Variants in FBXW7 observed in about 807,000 individuals in gnomAD.
FBXW7 encodes F-box/WD repeat-containing protein 7.
Under a neutral mutation model 86.3 loss-of-function variants are expected in FBXW7, and 11 were observed. That is an observed-to-expected ratio of 0.13 (90% CI 0.08 to 0.21). The LOEUF (loss-of-function observed/expected upper bound fraction) is 0.21. Among genes scored for constraint, FBXW7 ranks in the 10% least tolerant of loss-of-function variants. The pLI is 1.00. For synonymous variants in FBXW7, 313 were observed against 297.9 expected (o/e 1.05, Z -0.52); for missense variants, 488 against 847.4 (o/e 0.58, Z 5.27).
rs528323345 is a variant in FBXW7, at chr4:152,501,582, T to C, written c.-120+33359A>G. The stretch of plus-strand genomic sequence containing the variant: ...AGTTGAAGTACTTAATTTTAGAAAT[T>C]GTATATTCATCCAAATTCAGGATAT... On this transcript the variant is annotated intron_variant, in intron 2 of 13. Coordinates refer to ENST00000281708, the MANE Select transcript of FBXW7 (RefSeq NM_001349798.2). Among the ~76,000 whole-genome samples the C allele has an allele frequency of 4.6e-5, 7 of 152,310 alleles. No individual in the cohort carries two copies. In the South Asian group the frequency reaches 1.0e-3, roughly 23 times the overall value.
In FBXW7 at chr4:152,330,842, T is replaced by C; in HGVS notation, c.1012A>G (p.Arg338Gly). The change falls in exon 9 of 14, where the codon AGA becomes GGA. Residue 338 changes from arginine (R) to glycine (G), a missense_variant. Physicochemically the swap from Arg to Gly is moderately radical, Grantham distance 125 (BLOSUM62 -2). Coordinates refer to ENST00000281708, the MANE Select transcript of FBXW7 (RefSeq NM_001349798.2). Reference sequence around the variant, plus strand: ...AAACCTGGTTTTATTACTTTTCTTCTCTTGATGTGCAATGGTTCATCAATC... The same window carrying C: ...AAACCTGGTTTTATTACTTTTCTTCCCTTGATGTGCAATGGTTCATCAATC... Reference protein sequence around the residue: ...EGIDEPLHIKRRKVIKPGFIH... With the variant: ...EGIDEPLHIKGRKVIKPGFIH... 6.2e-7 allele frequency: 1 copy of C among 1,612,152 alleles called. No homozygotes were observed. Among genetic ancestry groups the C allele is most frequent in the East Asian group, 2.2e-5 (1 of 44,806 alleles).
Position 152,476,963 on chromosome 4 carries a change from T to G in FBXW7, c.-120+57978A>C, listed in dbSNP as rs146334461. ...TCAGATTCTGTAAGAAGCTGAGGAT[T>G]CCGCATCTGTTATGCAATCCACAGT... is the stretch of plus-strand genomic sequence containing the variant. On this transcript the variant is annotated intron_variant, in intron 2 of 13. Coordinates refer to ENST00000281708, the MANE Select transcript of FBXW7 (RefSeq NM_001349798.2). Among the ~76,000 whole-genome samples, 222 of 152,244 alleles carry G rather than the reference T, an allele frequency of 1.5e-3. 2 individuals carry two copies. The highest frequency in any genetic ancestry group is 5.2e-3 in the African/African-American group (214 of 41,548).
intron 2 of FBXW7, among the ~76,000 whole-genome samples, chr4:152,477,052 C>T (rs1744470868): frequency 6.7e-6 from 1 of 149,034 alleles, no homozygotes; most frequent in Non-Finnish European, 1.5e-5. Flanking sequence ...CTTGGAAAAG[C>T]GGCAAAAAAA....
At chr4:152,418,162 C>CACACACACACACACAA (rs1185715774) in intron 2 of FBXW7, among the ~76,000 whole-genome samples, 2 of 150,784 alleles carry the variant, frequency 1.3e-5, no homozygotes, top group African/African-American at 4.9e-5. Context: ...CACACACACA[C>CACACACACACACACAA]AAAATCCACT....
At chr4:152,445,411 C>G (rs2126998264) in intron 2 of FBXW7, among the ~76,000 whole-genome samples, 1 of 152,226 alleles carries the variant, frequency 6.6e-6, no homozygotes, top group South Asian at 2.1e-4. Flanking sequence ...TTGCATTATA[C>G]TTATCAGAAA....
At chr4:152,325,951 A>G in intron 12 of FBXW7, 55 bp downstream of exon 12, 1 of 1,468,580 alleles carries the variant, frequency 6.8e-7, no homozygotes, top group South Asian at 1.1e-5. Context: ...TATCTGAGTA[A>G]AACAACCTTA....
chr4:152,417,570 TAAG>T (rs1404954150), intron 2 of FBXW7, among the ~76,000 whole-genome samples: 1 of 152,018 alleles, frequency 6.6e-6, no homozygotes, highest in African/African-American at 2.4e-5. Flanking sequence ...AGCTTGACTC[TAAG>T]AAGCATGAGG....
At chr4:152,432,017 G>A (rs1739935831) in intron 2 of FBXW7, among the ~76,000 whole-genome samples, 2 of 152,162 alleles carry the variant, frequency 1.3e-5, no homozygotes, top group Non-Finnish European at 1.5e-5. Context: ...TCTGAAATTT[G>A]GCAGATTCTG....
Position 152,352,591 on chromosome 4 carries a change from T to C in FBXW7, c.502-2467A>G, listed in dbSNP as rs1560793739. On this transcript the variant is annotated intron_variant, in intron 4 of 13. Transcript: ENST00000281708. The stretch of plus-strand genomic sequence containing the variant: ...CAGTCTCTGACAATATAAACCTTTT[T>C]CAGGTAGGTATGTCACAGATTCTAA... 3.1e-6 allele frequency: 5 copies of C among 1,613,880 alleles called. No individual in the cohort carries two copies. The highest frequency in any genetic ancestry group is 3.4e-6 in the Non-Finnish European group (4 of 1,179,954).
chr4:152,484,155 T>C (rs897025811), intron 2 of FBXW7, among the ~76,000 whole-genome samples: 1 of 152,184 alleles, frequency 6.6e-6, no homozygotes, highest in African/African-American at 2.4e-5. Flanking sequence ...ACAAATCCTA[T>C]TCATTTTTTA....
At chr4:152,386,617 C>A (rs55958347) in intron 4 of FBXW7, among the ~76,000 whole-genome samples, 1 of 152,004 alleles carries the variant, frequency 6.6e-6, no homozygotes, top group African/African-American at 2.4e-5. Flanking sequence ...TTCAGAAAGA[C>A]TTCTATAATT....
At chr4:152,420,286 C>T (rs1450549599) in intron 2 of FBXW7, among the ~76,000 whole-genome samples, 5 of 152,158 alleles carry the variant, frequency 3.3e-5, no homozygotes, top group South Asian at 4.1e-4. Flanking sequence ...GCAATTGTCA[C>T]GCTGTGTCAA....
At chr4:152,480,143 C>A (rs1018654816) in intron 2 of FBXW7, among the ~76,000 whole-genome samples, 1 of 152,114 alleles carries the variant, frequency 6.6e-6, no homozygotes, top group African/African-American at 2.4e-5. Context: ...CTGCATTGGG[C>A]AAGTCTATTT....
intron 4 of FBXW7, among the ~76,000 whole-genome samples, chr4:152,363,858 G>A (rs941307527): frequency 6.6e-6 from 1 of 152,162 alleles, no homozygotes; most frequent in East Asian, 1.9e-4. Flanking sequence ...ACTTAAGGTA[G>A]ATGGGATTTG....
At chr4:152,395,883 C>G (rs562312270) in intron 4 of FBXW7, among the ~76,000 whole-genome samples, 1 of 152,086 alleles carries the variant, frequency 6.6e-6, no homozygotes, top group African/African-American at 2.4e-5. Flanking sequence ...AACCAACCCA[C>G]GGAAGTGCTT....
intron 2 of FBXW7, among the ~76,000 whole-genome samples, chr4:152,476,559 G>C (rs1231773208): frequency 1.3e-5 from 2 of 152,078 alleles, no homozygotes; most frequent in East Asian, 3.9e-4. Flanking sequence ...TCACACATCT[G>C]ACAAAGGACT....
intron 2 of FBXW7, among the ~76,000 whole-genome samples, chr4:152,471,182 A>G (rs1743920953): frequency 7.9e-6 from 1 of 126,186 alleles, no homozygotes; most frequent in South Asian, 2.5e-4. Flanking sequence ...AAGCCACAGA[A>G]AAGGTGGGAA....
chr4:152,498,327 G>GT (rs1746570893), intron 2 of FBXW7, among the ~76,000 whole-genome samples: 2 of 152,086 alleles, frequency 1.3e-5, no homozygotes, highest in South Asian at 4.1e-4. Context: ...TAAGAAGACA[G>GT]TAATTCAGAA....
At chr4:152,430,980 A>G (rs1484140976) in intron 2 of FBXW7, among the ~76,000 whole-genome samples, 4 of 152,204 alleles carry the variant, frequency 2.6e-5, no homozygotes, top group African/African-American at 7.2e-5. Context: ...CACTGTGTGC[A>G]GTACAATCAA....
Sources: gnomAD v4.1 joint callset for allele counts (sites outside exome capture counted in the v4.1 genomes callset) on GRCh38, gnomAD v4.1.1 for gene constraint, MANE v1.5 for transcripts, NCBI Gene and HGNC (gene_info 2026-07-23, HGNC 2026-07-21) for gene names.